Variants in GPM6A observed in about 807,000 individuals in gnomAD.
The protein encoded by GPM6A is neuronal membrane glycoprotein M6-a.
In GPM6A, 7 loss-of-function variants were observed where a neutral mutation model predicts 32.1. The observed-to-expected ratio is 0.22, with a 90% CI of 0.12 to 0.41. GPM6A has a LOEUF of 0.41. Among genes scored for constraint, GPM6A ranks in the 10% least tolerant of loss-of-function variants. GPM6A has a pLI of 1.00. For missense variants in GPM6A, 235 were observed against 347.2 expected (o/e 0.68, Z 2.57); for synonymous variants, 130 against 123.4 (o/e 1.05, Z -0.35).
chr4:175,961,930 G>A (rs1451606514), intron 1 of GPM6A: 1 of 390,830 alleles, frequency 2.6e-6, no homozygotes. Context: ...CTAATTACAG[G>A]ACAGGACAGG....
At chr4:175,960,435 A>G (rs1579665974) in intron 1 of GPM6A, among the ~76,000 whole-genome samples, 1 of 152,092 alleles carries the variant, frequency 6.6e-6, no homozygotes. Context: ...TTACATTTGT[A>G]TTTTATTTTA....
At chr4:175,638,794 A>T (rs1199429020) in intron 6 of GPM6A, among the ~76,000 whole-genome samples, 2 of 152,270 alleles carry the variant, frequency 1.3e-5, no homozygotes, top group Admixed American at 1.3e-4. Context: ...ACAGCATAGA[A>T]ATGGGTGTAT....
intron 4 of GPM6A, among the ~76,000 whole-genome samples, chr4:175,645,715 C>A (rs992156599): frequency 1.3e-5 from 2 of 151,864 alleles, no homozygotes; most frequent in Non-Finnish European, 2.9e-5. Context: ...AGCAAGACTC[C>A]GTCTCAAAAA....
rs1384501780 is a variant in GPM6A at position 175,634,854 on chromosome 4, C to G, written c.*51G>C. On this transcript the variant is annotated 3_prime_UTR_variant, in exon 7 of 7. Coordinates refer to ENST00000393658, the MANE Select transcript of GPM6A (RefSeq NM_201591.3). The stretch of plus-strand genomic sequence containing the variant: ...TTAAAGGTTGGATGGTTGGATGGCC[C>G]TTAGTTAAACACCAATGCATTCAAA... 1 of 1,514,660 alleles carries G rather than the reference C, an allele frequency of 6.6e-7. No homozygotes were observed. Among genetic ancestry groups the G allele is most frequent in the Non-Finnish European group, 9.1e-7 (1 of 1,096,466 alleles). 93.8% of individuals were successfully genotyped at this position (1,514,660 alleles called of 1,614,324 possible).
intron 1 of GPM6A, among the ~76,000 whole-genome samples, chr4:175,898,129 C>A (rs1021259207): frequency 1.3e-5 from 2 of 152,058 alleles, no homozygotes; most frequent in African/African-American, 4.8e-5. Flanking sequence ...AATCATTTAC[C>A]CCTTAAACCA....
chr4:175,972,583 C>T (rs575994209), intron 1 of GPM6A, among the ~76,000 whole-genome samples: 20 of 152,258 alleles, frequency 1.3e-4, no homozygotes, highest in South Asian at 6.2e-4. Flanking sequence ...TGGTAATTTA[C>T]GGTGCTAGGA....
At chr4:175,970,955 A>G in intron 1 of GPM6A, 1 of 453,074 alleles carries the variant, frequency 2.2e-6, no homozygotes, top group South Asian at 1.6e-5. Flanking sequence ...GATGGACGCC[A>G]GAGCCTGTGC....
In GPM6A at chr4:175,711,409, AATATATAT is replaced by A. The variant is rs36105210; in HGVS notation, c.38-9650_38-9643del. Among the ~76,000 whole-genome samples, 277 of 53,274 alleles carry A rather than the reference AATATATAT, an allele frequency of 5.2e-3. 4 individuals are homozygous for A. Among genetic ancestry groups the A allele is most frequent in the African/African-American group, 0.012 (140 of 11,966 alleles). 34.9% of individuals were successfully genotyped at this position (53,274 alleles called of 152,430 possible). ...TTAAAAAGGGCACACTGGCACACCA[AATATATAT>A]ATATATATATATATATATATATATA... On this transcript the variant is annotated intron_variant, in intron 1 of 6. Transcript: ENST00000393658.
intron 2 of GPM6A, among the ~76,000 whole-genome samples, chr4:175,687,338 G>T (rs1019502161): frequency 6.6e-6 from 1 of 151,980 alleles, no homozygotes; most frequent in Non-Finnish European, 1.5e-5. Context: ...ATATTCCCCA[G>T]GCCACAGCCC....
intron 1 of GPM6A, among the ~76,000 whole-genome samples, chr4:175,941,627 G>A (rs1395727000): frequency 6.6e-6 from 1 of 152,148 alleles, no homozygotes; most frequent in East Asian, 1.9e-4. Context: ...CCCCTTATGA[G>A]TGAGAACATG....
At chr4:175,709,981 C>T (rs1399774027) in intron 1 of GPM6A, among the ~76,000 whole-genome samples, 1 of 151,982 alleles carries the variant, frequency 6.6e-6, no homozygotes, top group East Asian at 1.9e-4. Context: ...CTACACCAGC[C>T]TAATGGGTAG....
At chr4:175,888,556 T>A (rs1417446465) in intron 1 of GPM6A, among the ~76,000 whole-genome samples, 1 of 152,072 alleles carries the variant, frequency 6.6e-6, no homozygotes, top group Non-Finnish European at 1.5e-5. Context: ...TCTGCAAGGT[T>A]GCTGAATATA....
chr4:175,869,259 C>G (rs1736830583), intron 1 of GPM6A, among the ~76,000 whole-genome samples: 1 of 152,014 alleles, frequency 6.6e-6, no homozygotes, highest in African/African-American at 2.4e-5. Flanking sequence ...ATACTTTATA[C>G]AGATTATATG....
intron 1 of GPM6A, among the ~76,000 whole-genome samples, chr4:175,768,206 G>C (rs967173716): frequency 2.0e-5 from 3 of 152,204 alleles, no homozygotes; most frequent in African/African-American, 7.2e-5. Flanking sequence ...CTAAGAAAAA[G>C]CTTTCACCTG....
intron 1 of GPM6A, among the ~76,000 whole-genome samples, chr4:175,820,500 C>CTT (rs66569311): frequency 0.2 from 22,453 of 112,064 alleles, 3,146 homozygotes; most frequent in South Asian, 0.31. Context: ...TCTTTTCTTT[C>CTT]TTTTTTTTTT....
chr4:175,942,407 T>A (rs181965705), intron 1 of GPM6A, among the ~76,000 whole-genome samples: 1 of 152,328 alleles, frequency 6.6e-6, no homozygotes, highest in African/African-American at 2.4e-5. Context: ...AGTTTTGGCT[T>A]TTGTTGCCAT....
At chr4:175,636,301 T>TATATAC (rs1553967499) in intron 6 of GPM6A, among the ~76,000 whole-genome samples, 15 of 130,724 alleles carry the variant, frequency 1.1e-4, no homozygotes, top group African/African-American at 2.7e-4. Flanking sequence ...TATATATACA[T>TATATAC]ATATATATGG....
chr4:175,960,687 G>T (rs1404547363), intron 1 of GPM6A: 1 of 152,072 alleles, frequency 6.6e-6, no homozygotes, highest in Non-Finnish European at 1.5e-5. Flanking sequence ...CACATTTTAA[G>T]CTATCATAAT....
At chr4:175,677,924 G>T (rs1266987842) in intron 2 of GPM6A, among the ~76,000 whole-genome samples, 1 of 152,106 alleles carries the variant, frequency 6.6e-6, no homozygotes, top group Non-Finnish European at 1.5e-5. Flanking sequence ...GAGCAAAAAA[G>T]TTTTAGCCTA....
Sources: gnomAD v4.1 joint callset for allele counts (sites outside exome capture counted in the v4.1 genomes callset) on GRCh38, gnomAD v4.1.1 for gene constraint, MANE v1.5 for transcripts, NCBI Gene and HGNC (gene_info 2026-07-23, HGNC 2026-07-21) for gene names.